The following CALN1 variants were observed in gnomAD, a reference collection of about 807,000 sequenced individuals.
CALN1 encodes calcium-binding protein 8.
CALN1 carries 17 observed loss-of-function variants against 30.6 expected under a neutral mutation model. That is an observed-to-expected ratio of 0.56 (90% CI 0.38 to 0.83). CALN1 has a LOEUF of 0.83. Ranked by LOEUF, CALN1 falls within the 40% of genes least tolerant of loss-of-function variation. The pLI, the probability that CALN1 is intolerant of heterozygous loss-of-function variation, is 0.00. For synonymous variants in CALN1, 156 were observed against 131.4 expected (o/e 1.19, Z -1.28); for missense variants, 291 against 354.9 (o/e 0.82, Z 1.45).
chr7:72,387,187 AGG>A (rs1805257986), intron 2 of CALN1, among the ~76,000 whole-genome samples: 13 of 133,642 alleles, frequency 9.7e-5, no homozygotes, highest in Non-Finnish European at 1.6e-4. Flanking sequence ...GATCAAACTA[AGG>A]AAGGGAGGGA....
intron 3 of CALN1, among the ~76,000 whole-genome samples, chr7:72,131,849 C>T (rs1382712680): frequency 6.6e-6 from 1 of 152,172 alleles, no homozygotes; most frequent in Non-Finnish European, 1.5e-5. Flanking sequence ...ACTCCATTAC[C>T]TCCTAGCTCT....
chr7:71,829,202 A>T (rs972466707), intron 5 of CALN1, among the ~76,000 whole-genome samples: 6 of 152,202 alleles, frequency 3.9e-5, no homozygotes, highest in Non-Finnish European at 8.8e-5. Context: ...GACCTGTCTC[A>T]AATTGGGGTT....
At chr7:72,212,706 C>A (rs1333639163) in intron 3 of CALN1, among the ~76,000 whole-genome samples, 1 of 151,878 alleles carries the variant, frequency 6.6e-6, no homozygotes, top group Non-Finnish European at 1.5e-5. Flanking sequence ...CCCAGCTACT[C>A]AGGAAGCTGA....
intron 3 of CALN1, among the ~76,000 whole-genome samples, chr7:72,117,818 C>A (rs1443575157): frequency 6.6e-6 from 1 of 151,868 alleles, no homozygotes; most frequent in Non-Finnish European, 1.5e-5. Flanking sequence ...ATTAGCCAGG[C>A]CTGGTGGTGG....
intron 5 of CALN1, among the ~76,000 whole-genome samples, chr7:71,898,014 G>GAGAGA (rs1562882185): frequency 1.3e-5 from 1 of 79,640 alleles, no homozygotes; most frequent in African/African-American, 6.3e-5. Flanking sequence ...GGAGGGAGGG[G>GAGAGA]GGGGGAGAGA....
intron 3 of CALN1, among the ~76,000 whole-genome samples, chr7:72,211,635 G>A (rs116936592): frequency 0.011 from 1,713 of 152,276 alleles, 10 homozygotes; most frequent in Non-Finnish European, 0.017. Context: ...GGTACATCAC[G>A]AATGTTCTAT....
chr7:72,250,009 C>T (rs971454886), intron 3 of CALN1, among the ~76,000 whole-genome samples: 9 of 151,568 alleles, frequency 5.9e-5, no homozygotes, highest in Admixed American at 6.6e-5. Context: ...CATGCTGATC[C>T]TGCTAAGACC....
chr7:72,236,947 T>A (rs1049738386), intron 3 of CALN1, among the ~76,000 whole-genome samples: 60 of 151,818 alleles, frequency 4.0e-4, no homozygotes, highest in African/African-American at 1.4e-3. Context: ...CAGTGGGAGG[T>A]GAAGTCTGAC....
At chr7:72,138,163 A>G (rs1217625903) in intron 3 of CALN1, among the ~76,000 whole-genome samples, 3 of 152,232 alleles carry the variant, frequency 2.0e-5, no homozygotes, top group Non-Finnish European at 4.4e-5. Flanking sequence ...TATATGTGTA[A>G]TATGGCTTAA....
chr7:71,807,486 G>T (rs1001242454), intron 6 of CALN1, among the ~76,000 whole-genome samples: 7 of 152,110 alleles, frequency 4.6e-5, no homozygotes, highest in African/African-American at 1.7e-4. Context: ...GTGTCTGGGG[G>T]ACAAACAACC....
At chr7:71,973,469 C>T (rs1485909689) in intron 5 of CALN1, among the ~76,000 whole-genome samples, 6 of 152,206 alleles carry the variant, frequency 3.9e-5, no homozygotes. Context: ...AGCCACCTTG[C>T]CCAGCCTGAA....
intron 5 of CALN1, among the ~76,000 whole-genome samples, chr7:71,906,825 C>A (rs1379789073): frequency 6.6e-6 from 1 of 152,228 alleles, no homozygotes; most frequent in Non-Finnish European, 1.5e-5. Context: ...AGACTGGCAG[C>A]AGCCAAGGGT....
chr7:72,258,209 T>C (rs1796041387), intron 3 of CALN1, among the ~76,000 whole-genome samples: 1 of 152,194 alleles, frequency 6.6e-6, no homozygotes, highest in African/African-American at 2.4e-5. Flanking sequence ...ATCCCTGGAA[T>C]TTGCTCCTTC....
At chr7:71,855,481 T>C (rs556815585) in intron 5 of CALN1, among the ~76,000 whole-genome samples, 1 of 152,130 alleles carries the variant, frequency 6.6e-6, no homozygotes, top group African/African-American at 2.4e-5. Flanking sequence ...CCAAAGGCCA[T>C]AAATGTCACC....
Position 72,205,577 on chromosome 7 carries a change from T to C in CALN1, c.244+73109A>G, listed in dbSNP as rs1237107135. On this transcript the variant is annotated intron_variant, in intron 3 of 6. Coordinates refer to ENST00000395275, the MANE Select transcript of CALN1 (RefSeq NM_031468.4). ...ATATATATATATATATGTATATATA[T>C]ATATATATATTCAGGAGAAACATTT... Among the ~76,000 whole-genome samples, 43 of 126,992 alleles carry C rather than the reference T, an allele frequency of 3.4e-4. 3 individuals are homozygous for C. Among genetic ancestry groups the C allele is most frequent in the Admixed American group, 1.5e-3 (19 of 12,338 alleles). The allele number at this position is 126,992 out of a possible 152,430, so 83.3% of individuals were successfully genotyped here. A position where few individuals can be genotyped will look rare whatever the true frequency, so the allele number is the denominator to read the frequency against.
chr7:72,283,796 G>A (rs1280371012), intron 2 of CALN1, among the ~76,000 whole-genome samples: 2 of 152,154 alleles, frequency 1.3e-5, no homozygotes, highest in East Asian at 1.9e-4. Context: ...AAGCACCAGC[G>A]GGTTCCAGTG....
At chr7:72,175,603 T>A (rs1789291157) in intron 3 of CALN1, among the ~76,000 whole-genome samples, 1 of 152,108 alleles carries the variant, frequency 6.6e-6, no homozygotes. Flanking sequence ...CCAGGAAGAA[T>A]AATCCACTGC....
intron 3 of CALN1, among the ~76,000 whole-genome samples, chr7:72,133,891 C>A (rs891931566): frequency 6.6e-6 from 1 of 152,146 alleles, no homozygotes; most frequent in Admixed American, 6.5e-5. Context: ...TGGCCTGTAA[C>A]CTTAAAAAAT....
intron 3 of CALN1, among the ~76,000 whole-genome samples, chr7:72,276,653 G>A (rs181264188): frequency 1.2e-3 from 188 of 151,854 alleles, no homozygotes; most frequent in Admixed American, 3.2e-3. Flanking sequence ...TATCCAGAGC[G>A]TGGACTATTA....
Sources: allele counts gnomAD v4.1 joint callset (sites outside exome capture counted in the v4.1 genomes callset), GRCh38; gene constraint gnomAD v4.1.1; transcripts MANE v1.5; gene names NCBI Gene and HGNC (gene_info 2026-07-23, HGNC 2026-07-21).